PDE3B: variants seen among roughly 807,000 people sequenced by gnomAD.
The protein encoded by PDE3B is phosphodiesterase 3B.
Under a neutral mutation model 116.8 loss-of-function variants are expected in PDE3B, and 66 were observed. The observed-to-expected ratio is 0.56, with a 90% CI of 0.46 to 0.69. The LOEUF is 0.69. PDE3B is among the 30% of genes least tolerant of loss of function. The pLI, the probability that PDE3B is intolerant of heterozygous loss-of-function variation, is 0.00. For synonymous variants in PDE3B, 595 were observed against 533.6 expected, an observed-to-expected ratio of 1.12 and a Z score of -1.59; for missense variants, 1,384 against 1,368.1, an observed-to-expected ratio of 1.01 and a Z score of -0.18.
the PDE3B span, chr11:14,878,106 A>C: frequency 6.2e-7 from 1 of 1,612,688 alleles, no homozygotes; most frequent in Non-Finnish European, 8.5e-7. Flanking sequence ...TGTTCCCGAA[A>C]ACATCCCAGG....
the PDE3B span, chr11:14,891,852 AG>A: frequency 7.1e-7 from 1 of 1,410,160 alleles, no homozygotes; most frequent in Non-Finnish European, 9.4e-7. Context: ...TGTCCCTCAA[AG>A]GGCAGCCGGC....
At chr11:14,851,547 A>G (rs1847755349) in intron 12 of PDE3B, among the ~76,000 whole-genome samples, 1 of 151,558 alleles carries the variant, frequency 6.6e-6, no homozygotes, top group East Asian at 1.9e-4. Context: ...AATGGGTTAA[A>G]AGGGCCATGT....
At chr11:14,665,481 C>T (rs1213627949) in intron 1 of PDE3B, among the ~76,000 whole-genome samples, 3 of 152,102 alleles carry the variant, frequency 2.0e-5, no homozygotes, top group Non-Finnish European at 2.9e-5. Flanking sequence ...TCAAATTGTC[C>T]CTGTTTGCAG....
chr11:14,879,143 T>C, the PDE3B span: 3 of 1,613,192 alleles, frequency 1.9e-6, no homozygotes, highest in East Asian at 6.7e-5. Context: ...AGCTTCCTTC[T>C]TGGCAAAATA....
chr11:14,789,683 C>G (rs1858323881), intron 4 of PDE3B, among the ~76,000 whole-genome samples: 2 of 152,012 alleles, frequency 1.3e-5, no homozygotes, highest in East Asian at 1.9e-4. Flanking sequence ...ACCAGACTTT[C>G]AAATCCTGTT....
chr11:14,824,650 C>G (rs889889621), intron 7 of PDE3B, among the ~76,000 whole-genome samples: 13 of 150,640 alleles, frequency 8.6e-5, no homozygotes, highest in African/African-American at 3.2e-4. Flanking sequence ...GTAAAGAGGC[C>G]AAATCTACAC....
At chr11:14,724,411 C>T (rs1856219413) in intron 1 of PDE3B, among the ~76,000 whole-genome samples, 2 of 152,144 alleles carry the variant, frequency 1.3e-5, no homozygotes, top group African/African-American at 4.8e-5. Flanking sequence ...GAAAGATGTA[C>T]AGGTTGAACA....
At chr11:14,890,714 T>C in the PDE3B span, among the ~76,000 whole-genome samples, 4 of 151,892 alleles carry the variant, frequency 2.6e-5, no homozygotes, top group African/African-American at 9.7e-5. Flanking sequence ...GCCCGGCTAA[T>C]TTTTTGTATT....
At chr11:14,778,779 A>G (rs1012764121) in intron 2 of PDE3B, among the ~76,000 whole-genome samples, 2 of 152,352 alleles carry the variant, frequency 1.3e-5, no homozygotes, top group African/African-American at 4.8e-5. Context: ...AAAGGAACGC[A>G]GCTCCTCGCC....
At chr11:14,884,124 G>A in the PDE3B span, among the ~76,000 whole-genome samples, 4 of 151,996 alleles carry the variant, frequency 2.6e-5, no homozygotes, top group East Asian at 2.0e-4. Context: ...TCAGTGTGGC[G>A]ATTCCTCAGG....
chr11:14,700,045 C>A (rs1299147264), intron 1 of PDE3B, among the ~76,000 whole-genome samples: 1 of 151,680 alleles, frequency 6.6e-6, no homozygotes, highest in East Asian at 1.9e-4. Flanking sequence ...TGAATAAATA[C>A]TATTTTTACC....
intron 1 of PDE3B, among the ~76,000 whole-genome samples, chr11:14,729,953 T>A (rs1380132854): frequency 6.6e-6 from 1 of 152,088 alleles, no homozygotes; most frequent in East Asian, 1.9e-4. Flanking sequence ...GCTTACAGAA[T>A]CACTGAGAGG....
At chr11:14,726,119 C>T (rs551554260) in intron 1 of PDE3B, among the ~76,000 whole-genome samples, 4 of 152,334 alleles carry the variant, frequency 2.6e-5, no homozygotes, top group South Asian at 2.1e-4. Context: ...TTTCACTTAG[C>T]TTGCTCCCTC....
chr11:14,694,221 G>A (rs1327176898), intron 1 of PDE3B, among the ~76,000 whole-genome samples: 2 of 152,198 alleles, frequency 1.3e-5, no homozygotes, highest in Non-Finnish European at 2.9e-5. Flanking sequence ...TGTGAACATT[G>A]TTGAAATGAC....
intron 12 of PDE3B, among the ~76,000 whole-genome samples, chr11:14,857,294 C>T (rs570191867): frequency 6.6e-6 from 1 of 152,272 alleles, no homozygotes; most frequent in Non-Finnish European, 1.5e-5. Flanking sequence ...TCTAAGAGCC[C>T]GCAGTAAGAG....
intron 14 of PDE3B, among the ~76,000 whole-genome samples, chr11:14,866,034 G>GT (rs1848039189): frequency 6.6e-6 from 1 of 152,138 alleles, no homozygotes. Context: ...GGTTGGGTAA[G>GT]TTACTTAACC....
intron 14 of PDE3B, among the ~76,000 whole-genome samples, chr11:14,863,424 C>A (rs993233914): frequency 6.6e-6 from 1 of 152,130 alleles, no homozygotes; most frequent in Non-Finnish European, 1.5e-5. Context: ...TTTTTATTTG[C>A]ATTTCTCTAA....
intron 12 of PDE3B, among the ~76,000 whole-genome samples, chr11:14,846,933 A>G (rs1847617598): frequency 6.6e-6 from 1 of 152,188 alleles, no homozygotes; most frequent in Non-Finnish European, 1.5e-5. Context: ...CAGATCAATG[A>G]GACAGAAAGT....
chr11:14,874,356 C>T (rs1848170903), downstream of PDE3B, among the ~76,000 whole-genome samples: 1 of 152,034 alleles, frequency 6.6e-6, no homozygotes, highest in African/African-American at 2.4e-5. Flanking sequence ...ATATGAACAC[C>T]TTTTTGATAG....
Sources: gnomAD v4.1 joint callset for allele counts (sites outside exome capture counted in the v4.1 genomes callset) on GRCh38, gnomAD v4.1.1 for gene constraint, MANE v1.5 for transcripts, NCBI Gene and HGNC (gene_info 2026-07-23, HGNC 2026-07-21) for gene names.